Variants in ROBO2 observed in about 807,000 individuals in gnomAD.
ROBO2 encodes the protein roundabout homolog 2.
In ROBO2, 53 loss-of-function variants were observed where a neutral mutation model predicts 160.8. The ratio of observed to expected loss-of-function variants is 0.33; its 90% CI spans 0.26 to 0.41. The LOEUF is 0.41. ROBO2 is among the 10% of genes least tolerant of loss of function. ROBO2 has a pLI of 1.00. For synonymous variants in ROBO2, 664 were observed against 611.7 expected, an observed-to-expected ratio of 1.09 and a Z score of -1.26; for missense variants, 1,577 against 1,722.4, an observed-to-expected ratio of 0.92 and a Z score of 1.49.
At chr3:77,091,495 T>C (rs1053104684) in intron 1 of ROBO2, among the ~76,000 whole-genome samples, 3 of 152,124 alleles carry the variant, frequency 2.0e-5, no homozygotes, top group African/African-American at 7.2e-5. Context: ...AAATAATCCA[T>C]TATGCAAATT....
chr3:77,221,705 T>C (rs1396118788), intron 2 of ROBO2, among the ~76,000 whole-genome samples: 1 of 152,138 alleles, frequency 6.6e-6, no homozygotes, highest in Non-Finnish European at 1.5e-5. Context: ...AACTTGGCAG[T>C]TTGGAAAAGA....
chr3:76,125,895 C>G (rs1273961288), intron 2 of ROBO2, among the ~76,000 whole-genome samples: 1 of 152,126 alleles, frequency 6.6e-6, no homozygotes, highest in African/African-American at 2.4e-5. Flanking sequence ...GGCATGATCT[C>G]AGCTCACTGC....
intron 2 of ROBO2, among the ~76,000 whole-genome samples, chr3:76,644,577 C>T (rs974155393): frequency 6.6e-6 from 1 of 152,144 alleles, no homozygotes; most frequent in Middle Eastern, 3.2e-3. Flanking sequence ...AATTCATATT[C>T]CCACTTGCAC....
chr3:76,001,958 T>C (rs956917922), intron 2 of ROBO2, among the ~76,000 whole-genome samples: 5 of 152,370 alleles, frequency 3.3e-5, no homozygotes, highest in Non-Finnish European at 5.9e-5. Context: ...CATAGATTGA[T>C]GGAAATTTTC....
rs559223590 is a variant in ROBO2, at chr3:76,767,904, T to C, written c.110-330110T>C. 1.3e-3 allele frequency among the ~76,000 whole-genome samples: 204 copies of C among 151,636 alleles called. 1 individual carries two copies. The highest frequency in any genetic ancestry group is 7.1e-3 in the Admixed American group (108 of 15,196). The stretch of plus-strand genomic sequence containing the variant: ...TTTGTGGACATTAACTTTTGATGAA[T>C]GTGGGATCTACTTTTTTGAAGTTTC... On this transcript the variant is annotated intron_variant, in intron 2 of 26. Coordinates refer to the ROBO2 transcript ENST00000487694.
chr3:76,476,419 T>G lies in ROBO2; in HGVS notation c.109+538817T>G, dbSNP rs537407550. On this transcript the variant is annotated intron_variant, in intron 2 of 26. Transcript: ENST00000487694. ...AGGGGTAGAATGCTTACCGTATAGA[T>G]CCATCCACCTTCCTCTCTGATGATG... Among the ~76,000 whole-genome samples, 52 of 152,260 alleles carry G rather than the reference T, an allele frequency of 3.4e-4. 1 individual carries two copies. The South Asian group carries it at 5.4e-3, about 16-fold the overall frequency.
chr3:77,261,075 C>T (rs1397963108), intron 2 of ROBO2, among the ~76,000 whole-genome samples: 4 of 152,146 alleles, frequency 2.6e-5, no homozygotes, highest in Non-Finnish European at 4.4e-5. Flanking sequence ...CAGCCTGTCA[C>T]GTATCTGAGG....
At chr3:76,345,964 G>T (rs973152923) in intron 2 of ROBO2, among the ~76,000 whole-genome samples, 1 of 151,924 alleles carries the variant, frequency 6.6e-6, no homozygotes, top group East Asian at 1.9e-4. Flanking sequence ...AACTGATCTC[G>T]GTTTCTCTTT....
intron 2 of ROBO2, among the ~76,000 whole-genome samples, chr3:76,353,252 G>A (rs1482337770): frequency 2.6e-5 from 4 of 151,944 alleles, no homozygotes; most frequent in Admixed American, 1.3e-4. Context: ...GAGAATGAGC[G>A]AGAGAGTTTT....
chr3:77,409,070 TGCTA>T, intron 2 of ROBO2, among the ~76,000 whole-genome samples: 1 of 146,360 alleles, frequency 6.8e-6, no homozygotes, highest in African/African-American at 2.5e-5. Context: ...GAATTGTTTA[TGCTA>T]GCATCTTGAA....
At chr3:76,649,463 G>C (rs922311213) in intron 2 of ROBO2, among the ~76,000 whole-genome samples, 1 of 151,494 alleles carries the variant, frequency 6.6e-6, no homozygotes, top group Non-Finnish European at 1.5e-5. Flanking sequence ...TTTTTTTAGA[G>C]AATCTGAGTG....
intron 2 of ROBO2, among the ~76,000 whole-genome samples, chr3:76,103,494 T>C (rs563846007): frequency 6.6e-6 from 1 of 152,246 alleles, no homozygotes; most frequent in African/African-American, 2.4e-5. Flanking sequence ...TGTGAAATGT[T>C]TGTTAATGAA....
chr3:76,160,965 T>A (rs1311352250), intron 2 of ROBO2, among the ~76,000 whole-genome samples: 1 of 152,188 alleles, frequency 6.6e-6, no homozygotes, highest in Non-Finnish European at 1.5e-5. Flanking sequence ...ATTTTTTTCA[T>A]GTAGTTTGAA....
intron 2 of ROBO2, among the ~76,000 whole-genome samples, chr3:77,263,243 T>C (rs2058893475): frequency 6.6e-6 from 1 of 152,218 alleles, no homozygotes; most frequent in Non-Finnish European, 1.5e-5. Flanking sequence ...GTTTTTATTT[T>C]TATTTTAATA....
intron 2 of ROBO2, among the ~76,000 whole-genome samples, chr3:76,668,845 A>G (rs957318113): frequency 2.0e-5 from 3 of 152,220 alleles, no homozygotes; most frequent in Admixed American, 1.3e-4. Context: ...TGAAAGTGTA[A>G]TTTGAGAAAT....
chr3:76,779,174 A>G (rs2062468809), intron 2 of ROBO2, among the ~76,000 whole-genome samples: 1 of 151,080 alleles, frequency 6.6e-6, no homozygotes, highest in South Asian at 2.1e-4. Flanking sequence ...CCTTTAAAAA[A>G]TATTGAAGTA....
chr3:77,109,374 T>C (rs1433290763), intron 2 of ROBO2, among the ~76,000 whole-genome samples: 1 of 56,332 alleles, frequency 1.8e-5, no homozygotes, highest in Non-Finnish European at 3.8e-5. Flanking sequence ...ATGTTGTGCA[T>C]TTTTTTTGCC....
At chr3:75,971,287 T>G (rs896239043) in intron 2 of ROBO2, among the ~76,000 whole-genome samples, 1 of 151,514 alleles carries the variant, frequency 6.6e-6, no homozygotes, top group Non-Finnish European at 1.5e-5. Flanking sequence ...AATATAATAA[T>G]GAGGTATCAT....
At chr3:76,735,606 A>G (rs2093695459) in intron 2 of ROBO2, among the ~76,000 whole-genome samples, 1 of 151,860 alleles carries the variant, frequency 6.6e-6, no homozygotes, top group East Asian at 1.9e-4. Flanking sequence ...TACTAAAAAC[A>G]CAAAACTTAT....
Sources: allele counts gnomAD v4.1 joint callset (sites outside exome capture counted in the v4.1 genomes callset), GRCh38; gene constraint gnomAD v4.1.1; transcripts MANE v1.5; gene names NCBI Gene and HGNC (gene_info 2026-07-23, HGNC 2026-07-21).